Variants in TNNC2 observed in about 807,000 individuals in gnomAD.
The protein encoded by TNNC2 is troponin C2, fast skeletal type.
TNNC2 carries 14 observed loss-of-function variants against 20.0 expected under a neutral mutation model. The ratio of observed to expected loss-of-function variants is 0.70; its 90% confidence interval spans 0.46 to 1.09. TNNC2 has a LOEUF of 1.09. TNNC2 is among the 50% of genes least tolerant of loss of function. The probability of loss-of-function intolerance (pLI) is 0.00; values close to 1 mark genes in which losing one functional copy is unlikely to be tolerated. For synonymous variants in TNNC2, 81 were observed against 77.3 expected, an observed-to-expected ratio of 1.05 and a Z score of -0.25; for missense variants, 163 against 223.8, an observed-to-expected ratio of 0.73 and a Z score of 1.73.
chr20:45,823,300 C>T lies in TNNC2; in HGVS notation c.*48G>A. Reference sequence around the variant, plus strand: ...GTGGGGACCCGGCAGGGCGGAGTCTCCCACACCCTAGGGACACGCGATCTT... The same window carrying T: ...GTGGGGACCCGGCAGGGCGGAGTCTTCCACACCCTAGGGACACGCGATCTT... On this transcript the variant is annotated 3_prime_UTR_variant, in exon 6 of 6. Transcript: ENST00000372555. This position sits in a 1 kb window ranked among gnomAD's most constrained non-coding sequence, Gnocchi z 4.6. The T allele has an allele frequency of 6.5e-7, 1 of 1,541,936 alleles. No individual in the cohort carries two copies.
upstream of TNNC2, among the ~76,000 whole-genome samples, chr20:45,828,291 G>C (rs1437540902): frequency 2.0e-5 from 3 of 151,390 alleles, no homozygotes; most frequent in African/African-American, 7.3e-5. Flanking sequence ...TTCCACCTTG[G>C]TTTCCCAAAG....
chr20:45,823,403 G>A lies in TNNC2; in HGVS notation c.452-24C>T. 1 of 1,588,574 alleles carries A rather than the reference G, an allele frequency of 6.3e-7. No homozygotes were observed. The highest frequency in any genetic ancestry group is 8.6e-7 in the Non-Finnish European group (1 of 1,167,858). On this transcript the variant is annotated intron_variant, in intron 5 of 5. Coordinates refer to ENST00000372555, the MANE Select transcript of TNNC2 (RefSeq NM_003279.3). The surrounding 1 kb of genome is among the most constrained non-coding windows in gnomAD (Gnocchi z 4.6). ...CTCTGAGGGAAAGGAGAGGGAGAGG[G>A]TCAGGGGTCCCACTGGGGACGCAGA...
chr20:45,828,790 G>C (rs955086044), upstream of TNNC2, among the ~76,000 whole-genome samples: 1 of 152,102 alleles, frequency 6.6e-6, no homozygotes, highest in South Asian at 2.1e-4. Context: ...GCCAGGAAAG[G>C]GGGGCTGGAC....
At chr20:45,828,764 G>A (rs993814417), upstream of TNNC2, among the ~76,000 whole-genome samples, 3 of 152,122 alleles carry the variant, frequency 2.0e-5, no homozygotes, top group Non-Finnish European at 1.5e-5. Context: ...CAAGACAACC[G>A]ATAGCAGGCT....
chr20:45,823,284 C>T lies in TNNC2; in HGVS notation c.*64G>A, dbSNP rs1051890411. ...GGGTCGCGCCTCCCTGGTGGGGACC[C>T]GGCAGGGCGGAGTCTCCCACACCCT... On this transcript the variant is annotated 3_prime_UTR_variant, in exon 6 of 6. Transcript: ENST00000372555. This position sits in a 1 kb window ranked among gnomAD's most constrained non-coding sequence, Gnocchi z 4.6. 8.2e-6 allele frequency: 12 copies of T among 1,468,208 alleles called. No individual in the cohort carries two copies. The highest frequency in any genetic ancestry group is 2.6e-5 in the South Asian group (2 of 76,112). The allele number at this position is 1,468,208 out of a possible 1,614,324, so 90.9% of individuals were successfully genotyped here.
chr20:45,832,263 T>C (rs190350159), upstream of TNNC2, among the ~76,000 whole-genome samples: 277 of 152,238 alleles, frequency 1.8e-3, no homozygotes, highest in African/African-American at 6.2e-3. Flanking sequence ...TGAGCCAAGA[T>C]TGCATCACTG....
At position 45,823,922 on chromosome 20, in the gene TNNC2, G is replaced by C; in HGVS notation, c.451+69C>G. On this transcript the variant is annotated intron_variant, in intron 5 of 5. Coordinates refer to ENST00000372555, the MANE Select transcript of TNNC2 (RefSeq NM_003279.3). This position sits in a 1 kb window ranked among gnomAD's most constrained non-coding sequence, Gnocchi z 4.6. Reference sequence around the variant, plus strand: ...ACAAGGCCAAGGACACTGCACCGGAGCCAGGCACCAGTGCCCGCCGTCCTC... The same window carrying C: ...ACAAGGCCAAGGACACTGCACCGGACCCAGGCACCAGTGCCCGCCGTCCTC... 1 of 1,604,514 alleles carries C rather than the reference G, an allele frequency of 6.2e-7. No individual in the cohort carries two copies. The highest frequency in any genetic ancestry group is 8.5e-7 in the Non-Finnish European group (1 of 1,174,612).
intron 2 of TNNC2, among the ~76,000 whole-genome samples, chr20:45,832,428 C>T (rs1329320384): frequency 6.6e-6 from 1 of 152,182 alleles, no homozygotes. Flanking sequence ...GTTTCTTCAT[C>T]TTGAAAATGG....
At chr20:45,824,698 C>CG in intron 2 of TNNC2, 60 bp from the exon 3 acceptor site, 3 of 1,551,306 alleles carry the variant, frequency 1.9e-6, no homozygotes, top group South Asian at 1.2e-5. Flanking sequence ...TCACACCTAC[C>CG]CCCCCCCAAC....
chr20:45,824,039 G>A lies in TNNC2; in HGVS notation c.403C>T (p.Leu135=), dbSNP rs1303423193. ...EHVTDEEIES[L]MKDGDKNNDG... ...TTGTTCTTGTCGCCGTCTTTCATCA[G>A]AGATTCGATCTCCTCGTCCGTCACG... The change falls in exon 5 of 6, where the codon CTG becomes TTG. Residue 135 remains leucine, a synonymous_variant. Transcript: ENST00000372555. The A allele has an allele frequency of 6.2e-7, 1 of 1,614,134 alleles. No homozygotes were observed. Among genetic ancestry groups the A allele is most frequent in the Admixed American group, 1.7e-5 (1 of 60,026 alleles).
Position 45,823,435 on chromosome 20 carries a change from G to A in TNNC2, c.452-56C>T. ...GTCCCACTGGGGACGCAGAGGCCAG[G>A]CCAGGGCTCCAGCCACACAGAGGGG... is the stretch of plus-strand genomic sequence containing the variant. On this transcript the variant is annotated intron_variant, in intron 5 of 5. Transcript: ENST00000372555. This position sits in a 1 kb window ranked among gnomAD's most constrained non-coding sequence, Gnocchi z 4.6. 6.5e-7 allele frequency: 1 copy of A among 1,531,410 alleles called. No homozygotes were observed. Among genetic ancestry groups the A allele is most frequent in the South Asian group, 1.2e-5 (1 of 83,672 alleles). The allele number at this position is 1,531,410 out of a possible 1,614,324, so 94.9% of individuals were successfully genotyped here.
chr20:45,830,335 C>CAAA (rs781603612), upstream of TNNC2, among the ~76,000 whole-genome samples: 290 of 54,072 alleles, frequency 5.4e-3, 2 homozygotes, highest in African/African-American at 0.015. Context: ...GACTGCATCT[C>CAAA]AAAAAAAAAA....
Position 45,824,851 on chromosome 20 carries a change from G to A in TNNC2, c.4-17C>T, listed in dbSNP as rs781081105. 6.2e-7 allele frequency: 1 copy of A among 1,614,144 alleles called. No homozygotes were observed. Among genetic ancestry groups the A allele is most frequent in the South Asian group, 1.1e-5 (1 of 91,076 alleles). On this transcript the variant is annotated splice_polypyrimidine_tract_variant and intron_variant, in intron 1 of 5. Coordinates refer to ENST00000372555, the MANE Select transcript of TNNC2 (RefSeq NM_003279.3). The stretch of plus-strand genomic sequence containing the variant: ...CTGGTCCGTCTGCAGGAGACACAGA[G>A]AAAGTCTGAGCTGAAGAGGCAGCCC...
At position 45,824,272 on chromosome 20, in the gene TNNC2, C is replaced by T; in HGVS notation, c.314+20G>A. The T allele has an allele frequency of 6.2e-7, 1 of 1,608,372 alleles. No individual in the cohort carries two copies. The highest frequency in any genetic ancestry group is 8.5e-7 in the Non-Finnish European group (1 of 1,179,378). On this transcript the variant is annotated intron_variant, in intron 4 of 5. Coordinates refer to ENST00000372555, the MANE Select transcript of TNNC2 (RefSeq NM_003279.3). ...TCTGACTGCTAAGCCCCTCCCTCGG[C>T]TCCCGGGCCCCCAGCGCACCTGTCG...
At position 45,823,529 on chromosome 20, in the gene TNNC2, ACCCAGGCT is replaced by A. The variant is rs1982865340; in HGVS notation, c.452-158_452-151del. On this transcript the variant is annotated intron_variant, in intron 5 of 5. Transcript: ENST00000372555. This position sits in a 1 kb window ranked among gnomAD's most constrained non-coding sequence, Gnocchi z 4.6. ...GTTGCCAAGGTCGCCAAGGTCTGTC[ACCCAGGCT>A]AGAGTGCAGTGGCACAATCATAACT... 1 of 724,800 alleles carries A rather than the reference ACCCAGGCT, an allele frequency of 1.4e-6. No individual in the cohort carries two copies. Among genetic ancestry groups the A allele is most frequent in the Non-Finnish European group, 2.2e-6 (1 of 448,060 alleles). The allele number at this position is 724,800 out of a possible 1,614,324, so 44.9% of individuals were successfully genotyped here.
At chr20:45,824,171 C>G (rs1414893485) in intron 4 of TNNC2, 44 bp from the exon 5 acceptor site, 3 of 1,601,318 alleles carry the variant, frequency 1.9e-6, no homozygotes, top group Non-Finnish European at 2.6e-6. Flanking sequence ...CCGGGGCGAG[C>G]TGCCCTGGCC....
At position 45,827,242 on chromosome 20, in the gene TNNC2, T is replaced by G; in HGVS notation, c.3+4A>C. On this transcript the variant is annotated splice_donor_region_variant and intron_variant, in intron 1 of 5. Transcript: ENST00000372555. The stretch of plus-strand genomic sequence containing the variant: ...AAAGGCACAAAGTCCCCTCTTGTCC[T>G]TACCATGGTTGCTGGTGACCGGGAC... The G allele has an allele frequency of 6.2e-7, 1 of 1,614,144 alleles. No individual in the cohort carries two copies. The highest frequency in any genetic ancestry group is 1.3e-5 in the African/African-American group (1 of 75,034).
chr20:45,824,146 G>C lies in TNNC2; in HGVS notation c.315-19C>G. The C allele has an allele frequency of 6.2e-7, 1 of 1,612,584 alleles. No individual in the cohort carries two copies. The highest frequency in any genetic ancestry group is 1.3e-5 in the African/African-American group (1 of 74,962). ...TGCATTCCTTCAGGTCCGAGGGACA[G>C]GGCAGGGCTCAGGGCCGGGGCGAGC... On this transcript the variant is annotated intron_variant, in intron 4 of 5. Transcript: ENST00000372555.
upstream of TNNC2, among the ~76,000 whole-genome samples, chr20:45,830,408 T>C (rs2145729711): frequency 6.6e-6 from 1 of 151,708 alleles, no homozygotes; most frequent in East Asian, 1.9e-4. Flanking sequence ...TTGCACATGC[T>C]GTTTTTTTCT....
Sources: allele counts gnomAD v4.1 joint callset (sites outside exome capture counted in the v4.1 genomes callset), GRCh38; gene constraint gnomAD v4.1.1; non-coding constraint Gnocchi (gnomAD v3.1); transcripts MANE v1.5; gene names NCBI Gene and HGNC (gene_info 2026-07-23, HGNC 2026-07-21).